Variants in PPARGC1A observed in about 807,000 individuals in gnomAD.
PPARGC1A encodes the protein peroxisome proliferator-activated receptor gamma coactivator 1-alpha.
A neutral mutation model predicts 88.7 loss-of-function variants in PPARGC1A; 25 were observed. The ratio of observed to expected loss-of-function variants is 0.28; its 90% CI spans 0.21 to 0.39. The LOEUF is 0.39. Among genes scored for constraint, PPARGC1A ranks in the 10% least tolerant of loss-of-function variants. The pLI is 1.00. For missense variants in PPARGC1A, 880 were observed against 968.7 expected (o/e 0.91, Z 1.22); for synonymous variants, 363 against 355.6 (o/e 1.02, Z -0.24).
the PPARGC1A span, among the ~76,000 whole-genome samples, chr4:24,069,451 T>C: frequency 6.6e-6 from 1 of 152,214 alleles, no homozygotes; most frequent in Non-Finnish European, 1.5e-5. Context: ...TACATTGACA[T>C]GACATTCCTT....
the PPARGC1A span, among the ~76,000 whole-genome samples, chr4:23,992,444 T>C: frequency 6.6e-6 from 1 of 152,040 alleles, no homozygotes; most frequent in Non-Finnish European, 1.5e-5. Context: ...TAACACCCTG[T>C]AAAATGGGTA....
chr4:23,844,656 A>G (rs1384520026), intron 2 of PPARGC1A, among the ~76,000 whole-genome samples: 2 of 98,868 alleles, frequency 2.0e-5, no homozygotes, highest in African/African-American at 8.6e-5. Context: ...ATTATATGAT[A>G]TATATCATAT....
the PPARGC1A span, among the ~76,000 whole-genome samples, chr4:24,098,688 A>C: frequency 6.6e-6 from 1 of 152,238 alleles, no homozygotes; most frequent in African/African-American, 2.4e-5. Flanking sequence ...CCAATTAATT[A>C]CTGCATGGCA....
chr4:24,456,991 C>A, the PPARGC1A span, among the ~76,000 whole-genome samples: 2 of 152,092 alleles, frequency 1.3e-5, no homozygotes, highest in Non-Finnish European at 2.9e-5. Context: ...GCAAAGAGGA[C>A]ATGAGCCAAG....
At chr4:24,174,382 A>T in the PPARGC1A span, among the ~76,000 whole-genome samples, 1 of 152,350 alleles carries the variant, frequency 6.6e-6, no homozygotes, top group African/African-American at 2.4e-5. Flanking sequence ...TCAGTTAATA[A>T]GTCAGTTAAG....
At chr4:24,213,256 T>C in the PPARGC1A span, among the ~76,000 whole-genome samples, 1 of 145,994 alleles carries the variant, frequency 6.8e-6, no homozygotes, top group South Asian at 2.2e-4. Flanking sequence ...AAGTTCCGCC[T>C]CCCGGGTTCA....
the PPARGC1A span, among the ~76,000 whole-genome samples, chr4:24,047,856 AG>A: frequency 4.6e-5 from 7 of 152,234 alleles, no homozygotes; most frequent in African/African-American, 1.7e-4. Context: ...TTAATCTTAC[AG>A]AGCAGGAAGT....
chr4:23,875,483 G>A lies in PPARGC1A; in HGVS notation c.234+9269C>T, dbSNP rs992035650. On this transcript the variant is annotated intron_variant, in intron 2 of 12. Transcript: ENST00000264867. ...TTGGGCTAAAGTGAAGGTGTTGTCGGTCTGTCTAGTAAATCCAACCTACGA... is the reference window on the plus strand; with the variant it reads ...TTGGGCTAAAGTGAAGGTGTTGTCGATCTGTCTAGTAAATCCAACCTACGA... 1.3e-3 allele frequency among the ~76,000 whole-genome samples: 192 copies of A among 151,490 alleles called. 1 individual carries two copies. The highest frequency in any genetic ancestry group is 9.3e-4 in the Non-Finnish European group (63 of 67,908).
At chr4:23,949,111 G>A in the PPARGC1A span, among the ~76,000 whole-genome samples, 24 of 152,098 alleles carry the variant, frequency 1.6e-4, no homozygotes, top group Admixed American at 1.6e-3. Flanking sequence ...GATCATTAAT[G>A]AGTTAGCTGC....
exon 1 of PPARGC1A, chr4:23,899,267 C>T (rs1361866466): frequency 6.6e-6 from 1 of 152,222 alleles, no homozygotes; most frequent in Non-Finnish European, 1.5e-5. Flanking sequence ...GAACTCCCAC[C>T]TGGGGCTCTC....
the PPARGC1A span, among the ~76,000 whole-genome samples, chr4:23,909,950 C>T: frequency 7.6e-3 from 1,141 of 150,694 alleles, 15 homozygotes; most frequent in African/African-American, 0.026. Context: ...CAAGATTTGG[C>T]TCTCAACCAG....
At chr4:24,020,653 C>A in the PPARGC1A span, among the ~76,000 whole-genome samples, 1 of 152,004 alleles carries the variant, frequency 6.6e-6, no homozygotes, top group Non-Finnish European at 1.5e-5. Context: ...TTTCACAGCT[C>A]CTCTGTCCTG....
At chr4:24,072,302 C>T in the PPARGC1A span, among the ~76,000 whole-genome samples, 1 of 151,508 alleles carries the variant, frequency 6.6e-6, no homozygotes, top group South Asian at 2.1e-4. Context: ...ATTTAGAATA[C>T]TTCCAATTCA....
the PPARGC1A span, among the ~76,000 whole-genome samples, chr4:24,051,070 C>T: frequency 3.3e-5 from 5 of 151,660 alleles, no homozygotes; most frequent in Non-Finnish European, 1.5e-5. Context: ...TGCCTATAGT[C>T]CCAGCTACTT....
chr4:24,201,731 A>G, the PPARGC1A span, among the ~76,000 whole-genome samples: 1 of 152,328 alleles, frequency 6.6e-6, no homozygotes, highest in South Asian at 2.1e-4. Context: ...CAATGCATTT[A>G]CCTACCTTCA....
At chr4:24,179,059 C>T in the PPARGC1A span, among the ~76,000 whole-genome samples, 2 of 152,220 alleles carry the variant, frequency 1.3e-5, no homozygotes, top group African/African-American at 2.4e-5. Context: ...AGTGTGCATT[C>T]GTTGTCTTAT....
At chr4:23,914,118 T>C in the PPARGC1A span, among the ~76,000 whole-genome samples, 1 of 152,236 alleles carries the variant, frequency 6.6e-6, no homozygotes. Context: ...GTCAGCTCTG[T>C]GCCAAGCACT....
chr4:23,829,475 A>C lies in PPARGC1A; in HGVS notation c.540T>G (p.Pro180=), dbSNP rs1002330882. ...TTTACATTTGTACCTTAACAATTGC[A>C]GGGTTTGTTCTGATCCTGTGATTGT... ...ANHNHRIRTN[P]AIVKTENSWS... is the part of the protein sequence containing the mutation. The change falls in exon 4 of 13, where the codon CCT becomes CCG. Residue 180 remains proline (P), a synonymous_variant. Coordinates refer to ENST00000264867, the MANE Select transcript of PPARGC1A (RefSeq NM_013261.5). The C allele has an allele frequency of 7.4e-6, 12 of 1,612,858 alleles. No homozygotes were observed. In the African/African-American group the frequency reaches 1.5e-4, roughly 20 times the overall value.
At chr4:24,028,697 C>A in the PPARGC1A span, among the ~76,000 whole-genome samples, 3,975 of 152,232 alleles carry the variant, frequency 0.026, 79 homozygotes, top group South Asian at 0.043. Flanking sequence ...CCCTCTCCTG[C>A]AACATGGGGG....
Sources: gnomAD v4.1 joint callset for allele counts (sites outside exome capture counted in the v4.1 genomes callset) on GRCh38, gnomAD v4.1.1 for gene constraint, MANE v1.5 for transcripts, NCBI Gene and HGNC (gene_info 2026-07-23, HGNC 2026-07-21) for gene names.